Variants in WDPCP observed in about 807,000 individuals in gnomAD.
WDPCP encodes WD repeat-containing and planar cell polarity effector protein fritz homolog.
In WDPCP, 71 loss-of-function variants were observed where a neutral mutation model predicts 93.1. The ratio of observed to expected loss-of-function variants is 0.76; its 90% confidence interval spans 0.63 to 0.93. WDPCP has a LOEUF of 0.93. Among genes scored for constraint, WDPCP ranks in the 40% least tolerant of loss-of-function variants. The probability of loss-of-function intolerance (pLI) is 0.00; values close to 1 mark genes in which losing one functional copy is unlikely to be tolerated. For missense variants in WDPCP, 844 were observed against 887.4 expected, an observed-to-expected ratio of 0.95 and a Z score of 0.62; for synonymous variants, 315 against 315.0, an observed-to-expected ratio of 1.00 and a Z score of 0.00.
intron 9 of WDPCP, among the ~76,000 whole-genome samples, chr2:63,427,417 GA>G (rs1296808477): frequency 2.0e-5 from 3 of 152,086 alleles, no homozygotes; most frequent in Non-Finnish European, 4.4e-5. Context: ...AATAAAAATA[GA>G]AATCAATACC....
At chr2:63,584,988 T>C (rs1179330424) in intron 1 of WDPCP, among the ~76,000 whole-genome samples, 1 of 152,166 alleles carries the variant, frequency 6.6e-6, no homozygotes, top group Non-Finnish European at 1.5e-5. Context: ...ATTCTACCAC[T>C]TGACCACTCA....
intron 14 of WDPCP, among the ~76,000 whole-genome samples, chr2:63,239,177 A>T (rs139201405): frequency 6.6e-6 from 1 of 152,216 alleles, no homozygotes; most frequent in Non-Finnish European, 1.5e-5. Context: ...ATAGCAAAAA[A>T]GTATTATAGG....
chr2:63,336,949 A>C (rs1688425478), intron 12 of WDPCP, among the ~76,000 whole-genome samples: 1 of 133,040 alleles, frequency 7.5e-6, no homozygotes, highest in Admixed American at 8.5e-5. Context: ...GTTGGAGTGC[A>C]GTGGCATGAT....
At chr2:63,516,680 G>A (rs1702574868) in intron 1 of WDPCP, among the ~76,000 whole-genome samples, 1 of 152,150 alleles carries the variant, frequency 6.6e-6, no homozygotes, top group Non-Finnish European at 1.5e-5. Flanking sequence ...GCATTCAGAT[G>A]ACTGCCACCT....
intron 12 of WDPCP, among the ~76,000 whole-genome samples, chr2:63,341,963 G>A (rs764461797): frequency 6.6e-5 from 10 of 152,060 alleles, no homozygotes. Context: ...ATATATGGTT[G>A]GATCATGTTA....
chr2:63,423,531 A>G (rs78061234), intron 9 of WDPCP, among the ~76,000 whole-genome samples: 2,445 of 152,278 alleles, frequency 0.016, 148 homozygotes, highest in East Asian at 0.14. Flanking sequence ...AGCTCTGCTT[A>G]TATATTTTTG....
At chr2:63,634,667 T>G (rs1032595218) in intron 3 of WDPCP, among the ~76,000 whole-genome samples, 2 of 151,996 alleles carry the variant, frequency 1.3e-5, no homozygotes, top group Non-Finnish European at 1.5e-5. Context: ...AATTTACAAA[T>G]ATGTTAAAAT....
chr2:63,283,066 A>C (rs1482603244), intron 13 of WDPCP, among the ~76,000 whole-genome samples: 1 of 152,124 alleles, frequency 6.6e-6, no homozygotes, highest in East Asian at 1.9e-4. Context: ...GAATCCATGG[A>C]TGGGGAACTA....
intron 12 of WDPCP, among the ~76,000 whole-genome samples, chr2:63,366,519 TTATTATCTATC>T (rs1479520024): frequency 5.7e-5 from 3 of 52,270 alleles, no homozygotes; most frequent in African/African-American, 4.1e-4. Context: ...CATTGTGCCC[TTATTATCTATC>T]TATCTTCCAG....
At chr2:63,751,740 T>C (rs1669886059) in intron 2 of WDPCP, 1 of 566,972 alleles carries the variant, frequency 1.8e-6, no homozygotes, top group Non-Finnish European at 3.3e-6. Context: ...GAAATTGACA[T>C]AGTCACCTTG....
rs1162793724 is a variant in WDPCP at position 63,120,985 on chromosome 2, T to A, written c.*1021A>T. On this transcript the variant is annotated 3_prime_UTR_variant, in exon 18 of 18. Coordinates refer to ENST00000272321, the MANE Select transcript of WDPCP (RefSeq NM_015910.7). The stretch of plus-strand genomic sequence containing the variant: ...TGTTAGAAGACATGAGACTCCTGAG[T>A]CAGAGACAAATGATAGTAACCAGGG... Among the ~76,000 whole-genome samples, 1 of 152,118 alleles carries A rather than the reference T, an allele frequency of 6.6e-6. No individual in the cohort carries two copies. Among genetic ancestry groups the A allele is most frequent in the Non-Finnish European group, 1.5e-5 (1 of 68,028 alleles).
At chr2:63,350,488 A>G (rs1319879407) in intron 12 of WDPCP, among the ~76,000 whole-genome samples, 2 of 151,928 alleles carry the variant, frequency 1.3e-5, no homozygotes, top group African/African-American at 2.4e-5. Context: ...AAAAAAAAAA[A>G]AAATACTGTG....
At chr2:63,620,737 T>TCCCA (rs1709726448) in intron 3 of WDPCP, among the ~76,000 whole-genome samples, 2 of 152,130 alleles carry the variant, frequency 1.3e-5, no homozygotes, top group South Asian at 4.1e-4. Flanking sequence ...GGGAGACACC[T>TCCCA]CCCAGCAGGG....
chr2:63,643,429 A>C (rs191159084), intron 3 of WDPCP: 1 of 313,410 alleles, frequency 3.2e-6, no homozygotes, highest in Admixed American at 4.1e-5. Flanking sequence ...GGCATCTTTC[A>C]CATGAACCAC....
chr2:63,445,806 CT>C (rs138687933), intron 6 of WDPCP, among the ~76,000 whole-genome samples: 3,109 of 152,030 alleles, frequency 0.02, 123 homozygotes, highest in African/African-American at 0.071. Flanking sequence ...TCAGATAACA[CT>C]TTTTTTTGTA....
chr2:63,297,931 T>C (rs756500834), intron 13 of WDPCP, among the ~76,000 whole-genome samples: 3 of 152,178 alleles, frequency 2.0e-5, no homozygotes, highest in Non-Finnish European at 4.4e-5. Context: ...TTGGTATCAT[T>C]AATGGCTGCA....
In WDPCP at chr2:63,555,946, G is replaced by A. The variant is rs141528847; in HGVS notation, c.75+32251C>T. 4.9e-4 allele frequency among the ~76,000 whole-genome samples: 74 copies of A among 152,224 alleles called. 1 individual carries two copies. Among genetic ancestry groups the A allele is most frequent in the Middle Eastern group, 3.4e-3 (1 of 294 alleles). ...AAAAATAAAAAAGCCAGAGTGCCTC[G>A]TCTCCAAATAATCCTCTCCAGCAAG... is the stretch of plus-strand genomic sequence containing the variant. On this transcript the variant is annotated intron_variant, in intron 1 of 17. Transcript: ENST00000272321.
rs185005216 is a variant in WDPCP at position 63,568,679 on chromosome 2, C to T, written c.75+19518G>A. ...GGGACCTCACATTTTGTATTTGTCC[C>T]GACTGGCTAGCAACTTAGAACTTGT... is the stretch of plus-strand genomic sequence containing the variant. On this transcript the variant is annotated intron_variant, in intron 1 of 17. Coordinates refer to ENST00000272321, the MANE Select transcript of WDPCP (RefSeq NM_015910.7). Among the ~76,000 whole-genome samples, 183 of 152,212 alleles carry T rather than the reference C, an allele frequency of 1.2e-3. 1 individual carries two copies. Among genetic ancestry groups the T allele is most frequent in the African/African-American group, 4.2e-3 (176 of 41,526 alleles).
chr2:63,223,067 C>G (rs1273176207), intron 14 of WDPCP, among the ~76,000 whole-genome samples: 1 of 151,884 alleles, frequency 6.6e-6, no homozygotes, highest in African/African-American at 2.4e-5. Flanking sequence ...TCTTTTAGTC[C>G]TTAATTAAAC....
Sources: allele counts gnomAD v4.1 joint callset (sites outside exome capture counted in the v4.1 genomes callset), GRCh38; gene constraint gnomAD v4.1.1; transcripts MANE v1.5; gene names NCBI Gene and HGNC (gene_info 2026-07-23, HGNC 2026-07-21).